DNAH8: variants seen among roughly 807,000 people sequenced by gnomAD.
DNAH8 encodes the protein dynein axonemal heavy chain 8, also known as axonemal beta dynein heavy chain 8.
Under a neutral mutation model 562.1 loss-of-function variants are expected in DNAH8, and 382 were observed. The ratio of observed to expected loss-of-function variants is 0.68; its 90% CI spans 0.63 to 0.74. DNAH8 has a LOEUF of 0.74. Among genes scored for constraint, DNAH8 ranks in the 30% least tolerant of loss-of-function variants. The probability of loss-of-function intolerance (pLI) is 0.00; values close to 1 mark genes in which losing one functional copy is unlikely to be tolerated. For synonymous variants in DNAH8, 1,881 were observed against 1,919.4 expected (o/e 0.98, Z 0.52); for missense variants, 5,203 against 5,620.4 (o/e 0.93, Z 2.37).
intron 79 of DNAH8, among the ~76,000 whole-genome samples, chr6:38,940,846 G>A (rs952514987): frequency 2.0e-5 from 3 of 152,126 alleles, no homozygotes; most frequent in Non-Finnish European, 4.4e-5. Flanking sequence ...GGCCGGGCGC[G>A]GTGGCTAATG....
chr6:38,760,472 A>G (rs1474616139), intron 10 of DNAH8, among the ~76,000 whole-genome samples: 4 of 124,032 alleles, frequency 3.2e-5, no homozygotes. Flanking sequence ...TTTTTTTTTT[A>G]CATTTATCTT....
rs1368144760 is a variant in DNAH8, at chr6:38,826,296, A to G, written c.3988A>G (p.Ile1330Val). The G allele has an allele frequency of 1.9e-6, 3 of 1,613,446 alleles. No individual in the cohort carries two copies. Among genetic ancestry groups the G allele is most frequent in the South Asian group, 2.2e-5 (2 of 90,972 alleles). The change falls in exon 29 of 93, where the codon ATT (isoleucine) becomes GTT (valine). Residue 1330 changes from isoleucine (I) to valine (V), a missense_variant. This residue lies in a region of DNAH8 where 2,176 missense variants were observed against 2,365.1 expected (regional missense o/e 0.92). Transcript: ENST00000327475. ...ATACTTGAAAAAGTTATCTAGACCTATTCGTGATTTAGATGATGTCAGATT... is the reference window on the plus strand; with the variant it reads ...ATACTTGAAAAAGTTATCTAGACCTGTTCGTGATTTAGATGATGTCAGATT... ...NEYLKKLSRP[I>V]RDLDDVRFAM... is the part of the protein sequence containing the mutation.
chr6:38,729,230 A>G (rs1313228458), intron 3 of DNAH8, among the ~76,000 whole-genome samples: 2 of 151,944 alleles, frequency 1.3e-5, no homozygotes, highest in Admixed American at 1.3e-4. Flanking sequence ...AAACAAACAA[A>G]CAAACAAACA....
In DNAH8 at chr6:38,850,302, C is replaced by G; in HGVS notation, c.5251C>G (p.Arg1751Gly). Residue 1751 changes from arginine (R) to glycine (G), a missense_variant, in exon 38 of 93, where the codon CGA (arginine) becomes GGA (glycine). Physicochemically the swap from Arg to Gly is moderately radical, Grantham distance 125. Around this residue, in one of 6 missense-constraint regions of DNAH8, gnomAD observed 2,176 missense variants for 2,365.1 expected, o/e 0.92. Transcript: ENST00000327475. ...IDKSWIKIMQ[R>G]AHENPNVINC... ...CAAGTCTTGGATAAAAATAATGCAG[C>G]GAGCTCATGAGAATCCCAATGTGAT... 6.2e-7 allele frequency: 1 copy of G among 1,613,280 alleles called. No individual in the cohort carries two copies. The highest frequency in any genetic ancestry group is 1.3e-5 in the African/African-American group (1 of 74,960).
At chr6:38,788,731 T>C (rs1769424873) in intron 18 of DNAH8, among the ~76,000 whole-genome samples, 1 of 152,344 alleles carries the variant, frequency 6.6e-6, no homozygotes, top group South Asian at 2.1e-4. Context: ...CTTTGGGTTG[T>C]ATTTTCATTT....
At chr6:38,757,228 TG>T (rs1371490949) in intron 10 of DNAH8, among the ~76,000 whole-genome samples, 176 of 152,092 alleles carry the variant, frequency 1.2e-3, no homozygotes, top group Non-Finnish European at 2.2e-3. Context: ...TGGTGTGAGA[TG>T]GTATCTCATT....
At chr6:38,969,110 G>A (rs1245310562) in intron 82 of DNAH8, among the ~76,000 whole-genome samples, 1 of 152,138 alleles carries the variant, frequency 6.6e-6, no homozygotes, top group Non-Finnish European at 1.5e-5. Context: ...GGGTGGGAAG[G>A]GGGAATGGGA....
At chr6:38,988,579 T>C (rs963547791) in intron 87 of DNAH8, among the ~76,000 whole-genome samples, 1 of 152,250 alleles carries the variant, frequency 6.6e-6, no homozygotes, top group Non-Finnish European at 1.5e-5. Context: ...TTTCTTGAAT[T>C]AATCACCAGT....
intron 57 of DNAH8, among the ~76,000 whole-genome samples, chr6:38,889,711 G>A (rs960293926): frequency 1.3e-5 from 2 of 152,172 alleles, no homozygotes; most frequent in Admixed American, 1.3e-4. Flanking sequence ...CAGGAAGGTG[G>A]AAATCTAGAA....
chr6:38,800,180 C>G (rs972967277), intron 21 of DNAH8, among the ~76,000 whole-genome samples: 2 of 151,720 alleles, frequency 1.3e-5, no homozygotes, highest in African/African-American at 4.8e-5. Flanking sequence ...TTTTTGGCTA[C>G]TGTAAAGAAT....
At position 38,924,081 on chromosome 6, in the gene DNAH8, A is replaced by G. The variant is rs1385148159; in HGVS notation, c.10881A>G (p.Gln3627=). 2 of 1,614,078 alleles carry G rather than the reference A, an allele frequency of 1.2e-6. No individual in the cohort carries two copies. The highest frequency in any genetic ancestry group is 1.7e-6 in the Non-Finnish European group (2 of 1,179,928). The part of the protein sequence containing the change: ...QIFRNYLLKD[Q]WEMELRARKI... ...TTAGGAACTATTTGCTTAAAGATCA[A>G]TGGGAAATGGAGTTGAGAGCACGGA... Residue 3627 remains glutamine, a synonymous_variant, in exon 73 of 93, where the codon CAA becomes CAG. Transcript: ENST00000327475.
At chr6:38,723,281 A>G in intron 2 of DNAH8, 56 bp from the exon 3 acceptor site, 3 of 1,576,138 alleles carry the variant, frequency 1.9e-6, no homozygotes, top group Non-Finnish European at 2.6e-6. Context: ...AGTATGAAAC[A>G]GTTTGATATT....
chr6:38,775,167 A>G (rs1406962694), intron 12 of DNAH8, among the ~76,000 whole-genome samples: 2 of 152,200 alleles, frequency 1.3e-5, no homozygotes, highest in Admixed American at 6.5e-5. Flanking sequence ...TAGCCTGTGG[A>G]CATGAATTTT....
In DNAH8 at chr6:38,723,023, GT is replaced by G; in HGVS notation, c.216del (p.Leu73PhefsTer9). Reference protein sequence around the residue: ...RDLIPSEEGIVLPDDHEADLN... With the variant: ...RDLIPSEEGIXLPDDHEADLN... ...TCTCATTCCTTCTGAAGAAGGGATAGTTCTTCCAGATGATCATGAAGCGGAT... is the reference window on the plus strand; with the variant it reads ...TCTCATTCCTTCTGAAGAAGGGATAGTCTTCCAGATGATCATGAAGCGGAT... On this transcript the variant is annotated frameshift_variant, in exon 2 of 93. Transcript: ENST00000327475. LOFTEE classifies it high-confidence loss of function. 1 of 1,612,896 alleles carries G rather than the reference GT, an allele frequency of 6.2e-7. No individual in the cohort carries two copies. Among genetic ancestry groups the G allele is most frequent in the Non-Finnish European group, 8.5e-7 (1 of 1,179,892 alleles).
chr6:38,735,155 G>A (rs1000456141), intron 5 of DNAH8, among the ~76,000 whole-genome samples: 1 of 151,990 alleles, frequency 6.6e-6, no homozygotes, highest in Non-Finnish European at 1.5e-5. Context: ...TCTTAAATTG[G>A]GAATAATAAT....
At chr6:38,816,002 A>T (rs1173068760) in intron 26 of DNAH8, among the ~76,000 whole-genome samples, 1 of 151,878 alleles carries the variant, frequency 6.6e-6, no homozygotes, top group Admixed American at 6.6e-5. Context: ...TGTTATGAAC[A>T]TTTTTTTGAC....
In DNAH8 at chr6:38,915,293, T is replaced by C. The variant is rs775158453; in HGVS notation, c.10056T>C (p.Asp3352=). 5 of 1,610,388 alleles carry C rather than the reference T, an allele frequency of 3.1e-6. No individual in the cohort carries two copies. The African/African-American group carries it at 5.4e-5, about 17-fold the overall frequency. The change falls in exon 68 of 93, where the codon GAT becomes GAC. Residue 3352 remains aspartate (D), a synonymous_variant. Transcript: ENST00000327475. ...EVKDKAQKIV[D]EIDSEKVKAE... ...AGGACAAAGCCCAAAAAATTGTGGA[T>C]GAAATTGATAGTGAAAAAGTGAAAG...
At chr6:38,893,855 T>C (rs1339841347) in intron 58 of DNAH8, among the ~76,000 whole-genome samples, 1 of 152,236 alleles carries the variant, frequency 6.6e-6, no homozygotes, top group African/African-American at 2.4e-5. Context: ...ATTATCATTA[T>C]TTTCACTTTC....
At chr6:38,935,131 C>T (rs1282449291) in intron 76 of DNAH8, among the ~76,000 whole-genome samples, 1 of 152,168 alleles carries the variant, frequency 6.6e-6, no homozygotes, top group Admixed American at 6.5e-5. Context: ...CCTGGTGCTC[C>T]CATAGGAACC....
Sources: allele counts gnomAD v4.1 joint callset (sites outside exome capture counted in the v4.1 genomes callset), GRCh38; gene constraint gnomAD v4.1.1; regional missense constraint gnomAD v4.1.1; transcripts MANE v1.5; gene names NCBI Gene and HGNC (gene_info 2026-07-23, HGNC 2026-07-21).